WNK3: variants seen among roughly 807,000 people sequenced by gnomAD.
WNK3 encodes the protein WNK lysine deficient protein kinase 3, also known as serine/threonine-protein kinase WNK3.
Under a neutral mutation model 116.7 loss-of-function variants are expected in WNK3, and 18 were observed. That is an observed-to-expected ratio of 0.15 (90% CI 0.11 to 0.23). The LOEUF is 0.23. Ranked by LOEUF, WNK3 falls within the 10% of genes least tolerant of loss-of-function variation. The pLI, the probability that WNK3 is intolerant of heterozygous loss-of-function variation, is 1.00. For missense variants in WNK3, 993 were observed against 1,323.8 expected (o/e 0.75, Z 3.88); for synonymous variants, 404 against 469.4 (o/e 0.86, Z 1.80).
chrX:54,294,594 A>C (rs1557165841), exon 8 of WNK3: 1 of 1,197,480 alleles, frequency 8.4e-7, no homozygotes. Flanking sequence ...TCTTTGTAGA[A>C]GCTGTTGTCT....
chrX:54,354,627 G>A (rs1209738482), intron 1 of WNK3, among the ~76,000 whole-genome samples: 1 of 110,817 alleles, frequency 9.0e-6, no homozygotes, highest in Non-Finnish European at 1.9e-5. Context: ...AAACCACCAT[G>A]GCACGCGTTT....
At chrX:54,245,520 T>TAC (rs1220424799) in intron 17 of WNK3, among the ~76,000 whole-genome samples, 24 of 108,580 alleles carry the variant, frequency 2.2e-4, no homozygotes, top group South Asian at 4.0e-4. Context: ...TACATACATA[T>TAC]ACACACACAC....
chrX:54,226,737 G>A (rs1270544370), intron 22 of WNK3, among the ~76,000 whole-genome samples: 2 of 109,161 alleles, frequency 1.8e-5, no homozygotes, highest in Non-Finnish European at 3.8e-5. Flanking sequence ...CTACTCAGGA[G>A]GCTAAGGCAG....
intron 2 of WNK3, among the ~76,000 whole-genome samples, chrX:54,313,215 C>A (rs1203368427): frequency 1.8e-5 from 2 of 111,283 alleles, no homozygotes. Context: ...AATGCAAGTA[C>A]AAAATCTCTC....
chrX:54,248,659 CAA>C (rs1452630984), intron 17 of WNK3, 36 bp downstream of exon 17: 1 of 1,095,789 alleles, frequency 9.1e-7, no homozygotes, highest in East Asian at 3.0e-5. Context: ...AAACAATAAG[CAA>C]AGAGTAAGGA....
At chrX:54,326,276 G>A (rs1164711249) in intron 2 of WNK3, among the ~76,000 whole-genome samples, 1 of 110,468 alleles carries the variant, frequency 9.1e-6, no homozygotes, top group Non-Finnish European at 1.9e-5. Flanking sequence ...ATTTTTAGTA[G>A]AGACGAGATT....
chrX:54,264,297 C>T (rs949785932), intron 10 of WNK3, among the ~76,000 whole-genome samples: 36 of 107,753 alleles, frequency 3.3e-4, no homozygotes, highest in Non-Finnish European at 6.9e-4. Context: ...TGTGCCACTG[C>T]ACTCCAGCCT....
At chrX:54,243,260 C>CAA (rs1454489624) in intron 17 of WNK3, among the ~76,000 whole-genome samples, 6 of 99,902 alleles carry the variant, frequency 6.0e-5, no homozygotes, top group Non-Finnish European at 6.1e-5. Flanking sequence ...ACTAAAAATA[C>CAA]AAAAAAAAAA....
At chrX:54,215,254 T>C (rs1795396236) in intron 22 of WNK3, among the ~76,000 whole-genome samples, 2 of 111,126 alleles carry the variant, frequency 1.8e-5, no homozygotes, top group Non-Finnish European at 3.8e-5. Context: ...CAGGCTGGAC[T>C]GTACTGCCGC....
chrX:54,325,471 G>C (rs2069088571), intron 2 of WNK3, among the ~76,000 whole-genome samples: 1 of 109,471 alleles, frequency 9.1e-6, no homozygotes, highest in African/African-American at 3.3e-5. Context: ...TTGAAGTCAG[G>C]AGTTCAAGAC....
chrX:54,340,790 C>T (rs931420784), intron 1 of WNK3, among the ~76,000 whole-genome samples: 1 of 111,349 alleles, frequency 9.0e-6, no homozygotes, highest in Non-Finnish European at 1.9e-5. Context: ...AATGAAATGC[C>T]ACTTCATACC....
rs1557163896 is a variant in WNK3, at chrX:54,286,218, T to TA, written c.2037+6669_2037+6670insT. On this transcript the variant is annotated intron_variant, in intron 10 of 23. Coordinates refer to ENST00000354646, the Ensembl canonical transcript of WNK3. The stretch of plus-strand genomic sequence containing the variant: ...AAACAAACAAACAAAAAAAAAAAGG[T>TA]GGGGGGGGAGAAGAAAAAATGGTTT... Among the ~76,000 whole-genome samples the TA allele has an allele frequency of 5.4e-3, 559 of 103,065 alleles. 6 individuals carry two copies. The highest frequency in any genetic ancestry group is 0.019 in the African/African-American group (546 of 28,490). The allele number at this position is 103,065 out of a possible 115,157, so 89.5% of individuals were successfully genotyped here. A position where few individuals can be genotyped will look rare whatever the true frequency, so the allele number is the denominator to read the frequency against.
rs782594828 is a variant in WNK3, at chrX:54,301,723, A to C, written c.1178+48T>G. On this transcript the variant is annotated intron_variant, in intron 6 of 23. Coordinates refer to ENST00000354646, the Ensembl canonical transcript of WNK3. ...AGAAAACGACCCAATGCAAGATAAG[A>C]GAAAAATGCATCTTTCAGTTATGTC... 1.8e-5 allele frequency: 20 copies of C among 1,109,048 alleles called. No individual in the cohort carries two copies. The Admixed American group carries it at 4.4e-4, about 24-fold the overall frequency. 91.4% of individuals were successfully genotyped at this position (1,109,048 alleles called of 1,213,427 possible). A position where few individuals can be genotyped will look rare whatever the true frequency, so the allele number is the denominator to read the frequency against.
chrX:54,205,513 A>C (rs782345488), intron 22 of WNK3, among the ~76,000 whole-genome samples: 1 of 110,519 alleles, frequency 9.0e-6, no homozygotes, highest in Admixed American at 9.7e-5. Context: ...ATTTAAATGA[A>C]ACAGGGACTA....
intron 20 of WNK3, among the ~76,000 whole-genome samples, chrX:54,234,715 A>G (rs1309814060): frequency 3.7e-5 from 4 of 109,044 alleles, no homozygotes; most frequent in Admixed American, 2.0e-4. Context: ...AGTCCCAGCT[A>G]CTTGGGAGGC....
rs147830742 is a variant in WNK3 at position 54,234,947 on chromosome X, G to A, written c.4629-1927C>T. On this transcript the variant is annotated intron_variant, in intron 20 of 23. Transcript: ENST00000354646. ...TAAAAAGTATCAGTGTACATATACT[G>A]TATAGTACTTAATATATAAGTTGAC... 1.0e-2 allele frequency among the ~76,000 whole-genome samples: 1,116 copies of A among 111,722 alleles called. 50 individuals carry two copies. The highest frequency in any genetic ancestry group is 0.089 in the Admixed American group (926 of 10,433).
At chrX:54,217,550 A>C (rs1242411503) in intron 22 of WNK3, among the ~76,000 whole-genome samples, 1 of 107,965 alleles carries the variant, frequency 9.3e-6, no homozygotes, top group Non-Finnish European at 1.9e-5. Flanking sequence ...TCAACCCAGG[A>C]GGCGGAGGTT....
intron 11 of WNK3, among the ~76,000 whole-genome samples, chrX:54,258,277 C>CAAAA (rs1177900992): frequency 3.6e-5 from 1 of 28,017 alleles, no homozygotes; most frequent in African/African-American, 1.1e-4. Context: ...GACTCCATCT[C>CAAAA]AAAAAAAAAA....
chrX:54,308,198 T>A, intron 4 of WNK3, 119 bp from the exon 5 acceptor site: 1 of 264,325 alleles, frequency 3.8e-6, no homozygotes, highest in Non-Finnish European at 5.8e-6. Context: ...AGCAAATTTC[T>A]TTTTTTTTTT....
Sources: gnomAD v4.1 joint callset for allele counts (sites outside exome capture counted in the v4.1 genomes callset) on GRCh38, gnomAD v4.1.1 for gene constraint, MANE v1.5 for transcripts, NCBI Gene and HGNC (gene_info 2026-07-23, HGNC 2026-07-21) for gene names.